DPP6: variants seen among roughly 807,000 people sequenced by gnomAD.
DPP6 encodes the protein dipeptidyl peptidase like 6, also known as A-type potassium channel modulatory protein DPP6.
In DPP6, 69 loss-of-function variants were observed where a neutral mutation model predicts 122.6. That is an observed-to-expected ratio of 0.56 (90% CI 0.46 to 0.69). The LOEUF (loss-of-function observed/expected upper bound fraction) is 0.69. Ranked by LOEUF, DPP6 falls within the 30% of genes least tolerant of loss-of-function variation. The pLI is 0.00. For synonymous variants in DPP6, 418 were observed against 433.1 expected (o/e 0.97, Z 0.43); for missense variants, 928 against 1,116.9 (o/e 0.83, Z 2.41).
At chr7:153,956,884 G>A (rs966128787) in intron 1 of DPP6, among the ~76,000 whole-genome samples, 6 of 152,058 alleles carry the variant, frequency 3.9e-5, no homozygotes, top group Admixed American at 1.3e-4. Flanking sequence ...ATCTGGAATC[G>A]GTTAGTTCTA....
chr7:154,648,580 C>G (rs993927862), intron 6 of DPP6, among the ~76,000 whole-genome samples: 1 of 152,102 alleles, frequency 6.6e-6, no homozygotes, highest in East Asian at 1.9e-4. Context: ...ACCAACTGTA[C>G]GTATGTGATT....
At chr7:154,597,616 A>AAT (rs1833177541) in intron 5 of DPP6, among the ~76,000 whole-genome samples, 1 of 152,054 alleles carries the variant, frequency 6.6e-6, no homozygotes, top group African/African-American at 2.4e-5. Context: ...CCATAAAAAA[A>AAT]AAAAAATTGA....
intron 1 of DPP6, among the ~76,000 whole-genome samples, chr7:154,244,490 T>C (rs1383952455): frequency 6.6e-6 from 1 of 152,098 alleles, no homozygotes; most frequent in African/African-American, 2.4e-5. Flanking sequence ...AATTAGAAAA[T>C]CTATGTGTGT....
chr7:154,875,443 GAGAC>G lies in DPP6; in HGVS notation c.1884-458_1884-455del, dbSNP rs1804767064. 6.6e-6 allele frequency among the ~76,000 whole-genome samples: 1 copy of G among 152,224 alleles called. No individual in the cohort carries two copies. The highest frequency in any genetic ancestry group is 2.1e-4 in the South Asian group (1 of 4,832). On this transcript the variant is annotated intron_variant, in intron 19 of 25. Coordinates refer to ENST00000377770, the MANE Select transcript of DPP6 (RefSeq NM_130797.4). The surrounding 1 kb of genome is among the most constrained non-coding windows in gnomAD (Gnocchi z 4.5). The stretch of plus-strand genomic sequence containing the variant: ...TTTGCTGTTACTTCCGACTTAACAA[GAGAC>G]AGACCACGTCTTCAAGCCAGGGATG...
chr7:154,543,927 G>A (rs895235138), intron 4 of DPP6, among the ~76,000 whole-genome samples: 1 of 148,492 alleles, frequency 6.7e-6, no homozygotes, highest in East Asian at 2.0e-4. Flanking sequence ...CTGAGAGTTG[G>A]AGGTTGCAGT....
intron 1 of DPP6, among the ~76,000 whole-genome samples, chr7:153,954,251 T>C (rs560015373): frequency 1.3e-5 from 2 of 152,334 alleles, no homozygotes; most frequent in African/African-American, 4.8e-5. Context: ...GTGTGTTTCT[T>C]TGGACAAAAT....
intron 1 of DPP6, among the ~76,000 whole-genome samples, chr7:154,401,527 T>C (rs1815597456): frequency 1.3e-5 from 2 of 152,182 alleles, no homozygotes; most frequent in African/African-American, 4.8e-5. Flanking sequence ...TAGAGATCCT[T>C]TCTGCTGAGC....
At chr7:154,435,027 G>C (rs1287700148) in intron 1 of DPP6, among the ~76,000 whole-genome samples, 1 of 151,974 alleles carries the variant, frequency 6.6e-6, no homozygotes, top group Non-Finnish European at 1.5e-5. Flanking sequence ...AGTAGAGATA[G>C]TGTTTCACCA....
At chr7:154,646,528 A>T (rs900209674) in intron 6 of DPP6, among the ~76,000 whole-genome samples, 6 of 152,198 alleles carry the variant, frequency 3.9e-5, no homozygotes, top group Admixed American at 3.9e-4. Flanking sequence ...TCTAAAAAAA[A>T]CCTGAATGCT....
In DPP6 at chr7:154,893,099, T is replaced by C; in HGVS notation, c.*619T>C. The C allele has an allele frequency of 2.6e-6, 1 of 384,440 alleles. No individual in the cohort carries two copies. The highest frequency in any genetic ancestry group is 2.1e-5 in the African/African-American group (1 of 47,890). The allele number at this position is 384,440 out of a possible 1,614,324, so 23.8% of individuals were successfully genotyped here. On this transcript the variant is annotated 3_prime_UTR_variant, in exon 26 of 26. Transcript: ENST00000377770. Reference sequence around the variant, plus strand: ...ATTAACTCGTATTTTTCTATGGTTTTAACCTGATGCTCCACTGTCTCCGTC... The same window carrying C: ...ATTAACTCGTATTTTTCTATGGTTTCAACCTGATGCTCCACTGTCTCCGTC...
intron 1 of DPP6, among the ~76,000 whole-genome samples, chr7:154,313,921 T>C (rs1380242610): frequency 4.6e-5 from 7 of 151,442 alleles, no homozygotes; most frequent in Non-Finnish European, 8.8e-5. Context: ...ATATGGTACA[T>C]ATGACTTGGT....
chr7:154,272,062 T>C (rs1452588381), intron 1 of DPP6, among the ~76,000 whole-genome samples: 6 of 152,210 alleles, frequency 3.9e-5, no homozygotes, highest in Non-Finnish European at 5.9e-5. Context: ...AAATAATCAA[T>C]GTATCTACCT....
At chr7:154,780,061 G>A (rs1473048467) in intron 10 of DPP6, among the ~76,000 whole-genome samples, 1 of 152,164 alleles carries the variant, frequency 6.6e-6, no homozygotes, top group Non-Finnish European at 1.5e-5. Context: ...ATCTTAGGGG[G>A]CACCAGTTCA....
chr7:154,628,146 A>T (rs1563032367), intron 5 of DPP6, among the ~76,000 whole-genome samples: 2 of 152,158 alleles, frequency 1.3e-5, no homozygotes, highest in Admixed American at 1.3e-4. Context: ...TGCATTCTGA[A>T]TGCACCAACA....
chr7:153,820,409 A>G, the DPP6 span, among the ~76,000 whole-genome samples: 1 of 152,256 alleles, frequency 6.6e-6, no homozygotes, highest in African/African-American at 2.4e-5. Context: ...AATTTATTTT[A>G]TTACAATAAA....
At chr7:154,405,473 T>C (rs1816005091) in intron 1 of DPP6, among the ~76,000 whole-genome samples, 1 of 152,064 alleles carries the variant, frequency 6.6e-6, no homozygotes, top group Admixed American at 6.6e-5. Context: ...GGAGCTGCTT[T>C]CCCCCCCTTG....
At chr7:154,155,232 G>A (rs897402841) in intron 1 of DPP6, among the ~76,000 whole-genome samples, 2 of 152,218 alleles carry the variant, frequency 1.3e-5, no homozygotes, top group African/African-American at 2.4e-5. Flanking sequence ...AGCATGTCCT[G>A]GGCATTGGGT....
chr7:154,261,088 G>A (rs1000695269), intron 1 of DPP6, among the ~76,000 whole-genome samples: 2 of 152,014 alleles, frequency 1.3e-5, no homozygotes, highest in Non-Finnish European at 2.9e-5. Flanking sequence ...TAGAGACAGG[G>A]TTTCACCGTA....
At chr7:154,060,124 A>T (rs10227297) in intron 1 of DPP6, among the ~76,000 whole-genome samples, 7 of 143,194 alleles carry the variant, frequency 4.9e-5, no homozygotes, top group African/African-American at 1.8e-4. Context: ...GCGGGACTGC[A>T]AACCTCCACC....
Sources: allele counts gnomAD v4.1 joint callset (sites outside exome capture counted in the v4.1 genomes callset), GRCh38; gene constraint gnomAD v4.1.1; non-coding constraint Gnocchi (gnomAD v3.1); transcripts MANE v1.5; gene names NCBI Gene and HGNC (gene_info 2026-07-23, HGNC 2026-07-21).